The following DSCAM variants were observed in gnomAD, a reference collection of about 807,000 sequenced individuals.
DSCAM encodes the protein cell adhesion molecule DSCAM.
In DSCAM, 47 loss-of-function variants were observed where a neutral mutation model predicts 217.7. The ratio of observed to expected loss-of-function variants is 0.22; its 90% CI spans 0.17 to 0.28. The LOEUF (loss-of-function observed/expected upper bound fraction) is 0.28, where lower values mean the gene tolerates loss of function less well. DSCAM is among the 10% of genes least tolerant of loss of function. The pLI, the probability that DSCAM is intolerant of heterozygous loss-of-function variation, is 1.00. For synonymous variants in DSCAM, 1,056 were observed against 1,015.3 expected, an observed-to-expected ratio of 1.04 and a Z score of -0.76; for missense variants, 2,080 against 2,618.3, an observed-to-expected ratio of 0.79 and a Z score of 4.49.
At chr21:40,769,760 A>G (rs1167495094) in intron 1 of DSCAM, among the ~76,000 whole-genome samples, 1 of 152,116 alleles carries the variant, frequency 6.6e-6, no homozygotes, top group Non-Finnish European at 1.5e-5. Flanking sequence ...TATCCTGGGT[A>G]TCTGATCACC....
At chr21:40,792,842 T>A (rs2091657835) in intron 1 of DSCAM, among the ~76,000 whole-genome samples, 1 of 152,190 alleles carries the variant, frequency 6.6e-6, no homozygotes, top group Admixed American at 6.5e-5. Context: ...CAGCTCTGAA[T>A]GTTAATTGAA....
intron 1 of DSCAM, among the ~76,000 whole-genome samples, chr21:40,804,678 G>A (rs2091770461): frequency 6.6e-6 from 1 of 152,108 alleles, no homozygotes; most frequent in South Asian, 2.1e-4. Context: ...TCTTTACTCA[G>A]TCATCTGTCT....
intron 3 of DSCAM, among the ~76,000 whole-genome samples, chr21:40,447,899 T>C (rs964908374): frequency 2.0e-5 from 3 of 152,234 alleles, no homozygotes; most frequent in Non-Finnish European, 4.4e-5. Flanking sequence ...TTTTATGTGA[T>C]TGCTCTATTC....
chr21:40,443,208 C>T (rs983229917), intron 3 of DSCAM, among the ~76,000 whole-genome samples: 105 of 152,324 alleles, frequency 6.9e-4, no homozygotes, highest in African/African-American at 2.5e-3. Flanking sequence ...GCATGAAATG[C>T]TAACTCATTC....
intron 11 of DSCAM, among the ~76,000 whole-genome samples, chr21:40,227,101 A>G (rs2091340070): frequency 1.3e-5 from 2 of 152,194 alleles, no homozygotes; most frequent in African/African-American, 4.8e-5. Context: ...ATAGCTGCAT[A>G]GTATTTCATG....
chr21:40,524,162 G>A (rs1261476990), intron 3 of DSCAM, among the ~76,000 whole-genome samples: 1 of 151,472 alleles, frequency 6.6e-6, no homozygotes, highest in African/African-American at 2.4e-5. Context: ...TCTCATGAGA[G>A]CTAAGAAAAT....
At chr21:40,015,897 G>C (rs2088148810) in intron 32 of DSCAM, among the ~76,000 whole-genome samples, 1 of 152,220 alleles carries the variant, frequency 6.6e-6, no homozygotes, top group South Asian at 2.1e-4. Context: ...AGTTTCTGCT[G>C]TTTTGGTACA....
intron 1 of DSCAM, among the ~76,000 whole-genome samples, chr21:40,764,436 G>A (rs1172779087): frequency 2.0e-5 from 3 of 151,952 alleles, no homozygotes; most frequent in African/African-American, 4.8e-5. Flanking sequence ...TGATCATTAA[G>A]AAGTCTGGAA....
At chr21:40,763,871 C>A (rs2091360640) in intron 1 of DSCAM, among the ~76,000 whole-genome samples, 1 of 152,170 alleles carries the variant, frequency 6.6e-6, no homozygotes, top group African/African-American at 2.4e-5. Flanking sequence ...ATAAATGGTG[C>A]TGGGAAAACT....
At chr21:40,246,518 G>A (rs1162232235) in intron 11 of DSCAM, among the ~76,000 whole-genome samples, 1 of 151,354 alleles carries the variant, frequency 6.6e-6, no homozygotes, top group Non-Finnish European at 1.5e-5. Context: ...TCCAGCCTGG[G>A]CAACAGAGAG....
chr21:40,148,918 T>G (rs73225232), intron 16 of DSCAM, among the ~76,000 whole-genome samples: 6,870 of 152,168 alleles, frequency 0.045, 208 homozygotes, highest in African/African-American at 0.08. Flanking sequence ...CCACCATATT[T>G]ATCACAAACT....
At chr21:40,374,254 T>A (rs1294884206) in intron 3 of DSCAM, among the ~76,000 whole-genome samples, 1 of 152,236 alleles carries the variant, frequency 6.6e-6, no homozygotes, top group East Asian at 1.9e-4. Flanking sequence ...TCCTAGTAAA[T>A]GCCATGTTTG....
At chr21:40,087,315 G>A in intron 21 of DSCAM, 28 bp from the exon 22 acceptor site, 1 of 1,558,356 alleles carries the variant, frequency 6.4e-7, no homozygotes, top group Non-Finnish European at 8.9e-7. Flanking sequence ...GTGGAATCCT[G>A]ATTACTCCAC....
At chr21:40,116,480 G>A (rs1407862012) in intron 20 of DSCAM, among the ~76,000 whole-genome samples, 2 of 152,048 alleles carry the variant, frequency 1.3e-5, no homozygotes, top group Non-Finnish European at 2.9e-5. Flanking sequence ...AACCCTTCGA[G>A]GTTTTTTCCA....
At chr21:40,682,175 T>C (rs1471351523) in intron 3 of DSCAM, among the ~76,000 whole-genome samples, 2 of 136,432 alleles carry the variant, frequency 1.5e-5, no homozygotes, top group African/African-American at 5.4e-5. Context: ...GTTTCCTTTG[T>C]TGGAGGTGGC....
chr21:40,202,948 G>A (rs1601436969), intron 11 of DSCAM, among the ~76,000 whole-genome samples: 1 of 152,312 alleles, frequency 6.6e-6, no homozygotes, highest in East Asian at 1.9e-4. Flanking sequence ...AACATCTGGT[G>A]TAATAATGAG....
Position 40,087,203 on chromosome 21 carries a change from T to C in DSCAM, c.3935A>G (p.Asp1312Gly). ...DIVLPCKAVG[D>G]PSPAVKWMKD... ...CATCCATTTGACTGCAGGAGAAGGG[T>C]CCCCAACAGCCTTACAAGGCAAGAC... The change falls in exon 22 of 33, where the codon GAC (aspartate) becomes GGC (glycine). Residue 1312 changes from aspartate to glycine, a missense_variant. Physicochemically the swap from Asp to Gly is moderately conservative, Grantham distance 94 (BLOSUM62 -1). Around this residue, in one of 5 missense-constraint regions of DSCAM, gnomAD observed 1,144 missense variants for 1,421.1 expected, o/e 0.81. Coordinates refer to ENST00000400454, the MANE Select transcript of DSCAM (RefSeq NM_001389.5). The C allele has an allele frequency of 6.2e-7, 1 of 1,613,982 alleles. No individual in the cohort carries two copies.
chr21:40,629,061 AGTATGTGTGTGTGTGGTGTGTGTGTGTGT>A (rs2089646435), intron 3 of DSCAM, among the ~76,000 whole-genome samples: 1 of 145,556 alleles, frequency 6.9e-6, no homozygotes, highest in Non-Finnish European at 1.5e-5. Context: ...ATGTGTGTGT[AGTATGTGTGTGTGTGGTGTGTGTGTGTGT>A]GTGTGTGTGT....
intron 8 of DSCAM, among the ~76,000 whole-genome samples, chr21:40,321,787 T>C (rs2074262466): frequency 6.6e-6 from 1 of 152,180 alleles, no homozygotes; most frequent in Admixed American, 6.5e-5. Flanking sequence ...GATGCAGACC[T>C]TCGCTTACTG....
Sources: allele counts gnomAD v4.1 joint callset (sites outside exome capture counted in the v4.1 genomes callset), GRCh38; gene constraint gnomAD v4.1.1; regional missense constraint gnomAD v4.1.1; transcripts MANE v1.5; gene names NCBI Gene and HGNC (gene_info 2026-07-23, HGNC 2026-07-21).